Variants in RIPOR3 observed in about 807,000 individuals in gnomAD.
RIPOR3 encodes the protein family with sequence similarity 65 member C.
Under a neutral mutation model 114.3 loss-of-function variants are expected in RIPOR3, and 95 were observed. That is an observed-to-expected ratio of 0.83 (90% CI 0.70 to 0.99). RIPOR3 has a LOEUF of 0.99. Among genes scored for constraint, RIPOR3 ranks in the 50% least tolerant of loss-of-function variants. RIPOR3 has a pLI of 0.00. For missense variants in RIPOR3, 1,252 were observed against 1,266.9 expected, an observed-to-expected ratio of 0.99 and a Z score of 0.18; for synonymous variants, 575 against 543.8, an observed-to-expected ratio of 1.06 and a Z score of -0.80.
intron 1 of RIPOR3, among the ~76,000 whole-genome samples, chr20:50,655,829 T>G (rs2085791836): frequency 6.6e-6 from 1 of 152,054 alleles, no homozygotes; most frequent in African/African-American, 2.4e-5. Flanking sequence ...GAGACCTTCA[T>G]GTTTTATCTT....
intron 1 of RIPOR3, among the ~76,000 whole-genome samples, chr20:50,664,830 G>A (rs1023218869): frequency 6.6e-6 from 1 of 152,168 alleles, no homozygotes; most frequent in African/African-American, 2.4e-5. Context: ...GGCTGGGCAC[G>A]GTGGCTCACA....
intron 19 of RIPOR3, chr20:50,590,084 C>T (rs1378157460): frequency 3.2e-6 from 1 of 315,538 alleles, no homozygotes; most frequent in Non-Finnish European, 6.3e-6. Flanking sequence ...AATCAGATGC[C>T]CAGCTCAGAA....
chr20:50,672,218 C>G (rs550116692), intron 1 of RIPOR3, among the ~76,000 whole-genome samples: 2 of 152,284 alleles, frequency 1.3e-5, no homozygotes. Flanking sequence ...GAAAGCCCCT[C>G]ACCAAGGTGA....
rs562496850 is a variant in RIPOR3, at chr20:50,688,618, C to T, written c.3+2508G>A. 1.2e-3 allele frequency among the ~76,000 whole-genome samples: 181 copies of T among 152,172 alleles called. 1 individual carries two copies. The highest frequency in any genetic ancestry group is 2.2e-3 in the Non-Finnish European group (147 of 68,030). On this transcript the variant is annotated intron_variant, in intron 1 of 21. Coordinates refer to ENST00000327979, the MANE Select transcript of RIPOR3 (RefSeq NM_001290268.2). ...CCTCCAGCACACCTCTGTCTGGGGA[C>T]AACATGGCAAAGAATATCACCGAAC...
At chr20:50,644,247 C>T (rs1248041884) in intron 1 of RIPOR3, among the ~76,000 whole-genome samples, 4 of 152,214 alleles carry the variant, frequency 2.6e-5, no homozygotes, top group Admixed American at 2.0e-4. Flanking sequence ...GCCGGGATTA[C>T]AGGCATAAGC....
At chr20:50,609,766 G>A (rs1432982325) in intron 6 of RIPOR3, 44 bp from the exon 7 acceptor site, 8 of 1,354,336 alleles carry the variant, frequency 5.9e-6, no homozygotes, top group Non-Finnish European at 7.6e-6. Flanking sequence ...ACGCGGAGGG[G>A]CGGCCCCACA....
At chr20:50,665,135 CA>C (rs2086139074) in intron 1 of RIPOR3, among the ~76,000 whole-genome samples, 1 of 151,460 alleles carries the variant, frequency 6.6e-6, no homozygotes, top group Non-Finnish European at 1.5e-5. Context: ...ACAAAACAAA[CA>C]AAAAAACCCC....
At position 50,592,656 on chromosome 20, in the gene RIPOR3, C is replaced by A. The variant is rs569746198; in HGVS notation, c.2375-110G>T. The A allele has an allele frequency of 5.0e-5, 50 of 1,007,558 alleles. No homozygotes were observed. The African/African-American group carries it at 7.4e-4, about 15-fold the overall frequency. The allele number at this position is 1,007,558 out of a possible 1,614,324, so 62.4% of individuals were successfully genotyped here. ...AGCCACAGAGGAACAAATCCCAGACCCACCGGGATGATCACCAAGGCCCAG... is the reference window on the plus strand; with the variant it reads ...AGCCACAGAGGAACAAATCCCAGACACACCGGGATGATCACCAAGGCCCAG... On this transcript the variant is annotated intron_variant, in intron 18 of 21. Transcript: ENST00000327979.
At chr20:50,672,764 A>G (rs1394554443) in intron 1 of RIPOR3, among the ~76,000 whole-genome samples, 1 of 152,212 alleles carries the variant, frequency 6.6e-6, no homozygotes, top group Admixed American at 6.5e-5. Context: ...ACAGACATGC[A>G]TCAGACTTGA....
chr20:50,621,981 T>C (rs1329680482), intron 2 of RIPOR3, among the ~76,000 whole-genome samples: 2 of 152,174 alleles, frequency 1.3e-5, no homozygotes, highest in Non-Finnish European at 2.9e-5. Flanking sequence ...CCCTGGCATC[T>C]AAGCCTCTTC....
At chr20:50,595,571 G>T (rs2083259566) in intron 15 of RIPOR3, 67 bp from the exon 16 acceptor site, 3 of 1,584,364 alleles carry the variant, frequency 1.9e-6, no homozygotes, top group South Asian at 1.1e-5. Flanking sequence ...TGTTACGGCT[G>T]TGGCTCCCAC....
At chr20:50,643,611 T>C (rs190232632) in intron 1 of RIPOR3, among the ~76,000 whole-genome samples, 1,619 of 152,012 alleles carry the variant, frequency 0.011, 14 homozygotes, top group Non-Finnish European at 0.014. Context: ...CATAAATAAA[T>C]TGTTTTAATT....
rs2083167278 is a variant in RIPOR3 at position 50,593,115 on chromosome 20, G to A, written c.2294C>T (p.Thr765Ile). Residue 765 changes from threonine to isoleucine, a missense_variant, in exon 18 of 22, where the codon ACC (threonine) becomes ATC (isoleucine). Thr to Ile is a moderately conservative substitution (Grantham distance 89). Coordinates refer to ENST00000327979, the MANE Select transcript of RIPOR3 (RefSeq NM_001290268.2). ...CAGGTAGCTGTGAAACTGGAACCAG[G>A]TAATGATCTGTTCTTCTGGGAGCCC... ...GAGLPEEQII[T>I]WFQFHSYLQR... The A allele has an allele frequency of 6.2e-7, 1 of 1,614,078 alleles. No homozygotes were observed. Among genetic ancestry groups the A allele is most frequent in the East Asian group, 2.2e-5 (1 of 44,884 alleles).
intron 6 of RIPOR3, among the ~76,000 whole-genome samples, 200 bp from the exon 7 acceptor site, chr20:50,609,922 A>G (rs776130075): frequency 1.6e-4 from 24 of 151,764 alleles, no homozygotes; most frequent in South Asian, 4.2e-4. Flanking sequence ...CCCCATAGGC[A>G]GGGACCACAT....
rs1182300032 is a variant in RIPOR3, at chr20:50,671,810, A to AGATG, written c.3+19312_3+19315dup. ...GGGATGGATGGATGGATGGATGGAT[A>AGATG]GATGGATGGATGGATGGATGAGTGG... On this transcript the variant is annotated intron_variant, in intron 1 of 21. Coordinates refer to ENST00000327979, the MANE Select transcript of RIPOR3 (RefSeq NM_001290268.2). Among the ~76,000 whole-genome samples, 179 of 150,382 alleles carry AGATG rather than the reference A, an allele frequency of 1.2e-3. 6 individuals carry two copies. Among genetic ancestry groups the AGATG allele is most frequent in the East Asian group, 0.01 (52 of 5,106 alleles).
intron 6 of RIPOR3, among the ~76,000 whole-genome samples, chr20:50,610,010 T>A (rs1220691210): frequency 3.6e-4 from 22 of 61,548 alleles, no homozygotes; most frequent in African/African-American, 1.1e-3. Context: ...CACCCCTGCC[T>A]CACCTGCCAC....
chr20:50,589,098 A>T lies in RIPOR3; in HGVS notation c.2661+588T>A. Among the ~76,000 whole-genome samples, 2 of 138,652 alleles carry T rather than the reference A, an allele frequency of 1.4e-5. 1 individual carries two copies. The highest frequency in any genetic ancestry group is 1.4e-4 in the Admixed American group (2 of 14,268). The allele number at this position is 138,652 out of a possible 152,430, so 91.0% of individuals were successfully genotyped here. ...CTCCATCTCAAGAAAAAAAAAAAAA[A>T]AAAAAAAAAAAAAAAGCTAAAGTGC... On this transcript the variant is annotated intron_variant, in intron 20 of 21. Transcript: ENST00000327979.
intron 2 of RIPOR3, among the ~76,000 whole-genome samples, chr20:50,628,849 T>C (rs986498241): frequency 2.0e-5 from 3 of 152,076 alleles, no homozygotes; most frequent in Non-Finnish European, 4.4e-5. Context: ...CCACCACCCA[T>C]GGGAAGGGAG....
intron 11 of RIPOR3, among the ~76,000 whole-genome samples, chr20:50,607,216 G>A (rs1038369554): frequency 4.6e-5 from 7 of 152,288 alleles, no homozygotes; most frequent in Non-Finnish European, 1.0e-4. Context: ...CAGCCGATGA[G>A]CAGGGGACAC....
Sources: gnomAD v4.1 joint callset for allele counts (sites outside exome capture counted in the v4.1 genomes callset) on GRCh38, gnomAD v4.1.1 for gene constraint, MANE v1.5 for transcripts, NCBI Gene and HGNC (gene_info 2026-07-23, HGNC 2026-07-21) for gene names.